The following NTN1 variants were observed in gnomAD, a reference collection of about 807,000 sequenced individuals.
The protein encoded by NTN1 is netrin 1.
A neutral mutation model predicts 54.2 loss-of-function variants in NTN1; 11 were observed. The ratio of observed to expected loss-of-function variants is 0.20; its 90% confidence interval spans 0.13 to 0.34. NTN1 has a LOEUF of 0.34. Among genes scored for constraint, NTN1 ranks in the 10% least tolerant of loss-of-function variants. NTN1 has a pLI of 1.00. For missense variants in NTN1, 740 were observed against 893.1 expected (o/e 0.83, Z 2.18); for synonymous variants, 371 against 382.0 (o/e 0.97, Z 0.33).
chr17:9,132,240 C>T (rs1295993149), intron 2 of NTN1, among the ~76,000 whole-genome samples: 1 of 152,170 alleles, frequency 6.6e-6, no homozygotes, highest in Admixed American at 6.5e-5. Context: ...ATTCTCCTGT[C>T]ACTCTGTCCA....
chr17:9,225,090 G>C (rs374228992), intron 6 of NTN1, among the ~76,000 whole-genome samples: 6 of 151,976 alleles, frequency 3.9e-5, no homozygotes, highest in Non-Finnish European at 8.8e-5. Flanking sequence ...GTGAAACCCC[G>C]TCTCTATTAA....
chr17:9,032,995 C>T (rs1051809535), intron 2 of NTN1, among the ~76,000 whole-genome samples: 3 of 144,208 alleles, frequency 2.1e-5, no homozygotes, highest in Admixed American at 7.2e-5. Context: ...ACTCTGTCAT[C>T]GAGGCTGGAG....
chr17:9,152,007 G>T (rs1010376568), intron 2 of NTN1, among the ~76,000 whole-genome samples: 6 of 152,328 alleles, frequency 3.9e-5, no homozygotes, highest in African/African-American at 1.4e-4. Context: ...TGATAGGACA[G>T]AAATGGAACA....
intron 3 of NTN1, among the ~76,000 whole-genome samples, chr17:9,166,762 G>T (rs2092374574): frequency 6.6e-6 from 1 of 152,134 alleles, no homozygotes; most frequent in African/African-American, 2.4e-5. Flanking sequence ...CAAAGGGCAG[G>T]GGTTCTTGAC....
intron 2 of NTN1, among the ~76,000 whole-genome samples, chr17:9,085,376 A>G (rs1232449612): frequency 1.3e-5 from 2 of 152,246 alleles, no homozygotes; most frequent in African/African-American, 2.4e-5. Flanking sequence ...AATTTCCTTT[A>G]AGGAAGTGAA....
At chr17:9,094,037 C>A (rs1427571478) in intron 2 of NTN1, among the ~76,000 whole-genome samples, 1 of 152,162 alleles carries the variant, frequency 6.6e-6, no homozygotes, top group Non-Finnish European at 1.5e-5. Flanking sequence ...TCCAGAGAAA[C>A]TTCTAGTATA....
intron 2 of NTN1, among the ~76,000 whole-genome samples, chr17:9,120,638 G>T (rs1254257694): frequency 6.6e-6 from 1 of 152,170 alleles, no homozygotes; most frequent in Non-Finnish European, 1.5e-5. Context: ...GTGCTGCTTA[G>T]TATCTGGATT....
intron 2 of NTN1, among the ~76,000 whole-genome samples, chr17:9,054,504 C>T (rs2091971946): frequency 6.6e-6 from 1 of 152,202 alleles, no homozygotes; most frequent in South Asian, 2.1e-4. Context: ...GGATATTCAT[C>T]TTGCCTTGTA....
At chr17:9,190,464 G>A (rs1904422083) in intron 5 of NTN1, among the ~76,000 whole-genome samples, 1 of 152,206 alleles carries the variant, frequency 6.6e-6, no homozygotes, top group African/African-American at 2.4e-5. Context: ...AGGGTGATTT[G>A]CCCTACCAGA....
chr17:9,095,141 G>C (rs910884695), intron 2 of NTN1, among the ~76,000 whole-genome samples: 1 of 152,012 alleles, frequency 6.6e-6, no homozygotes, highest in Admixed American at 6.6e-5. Context: ...TTTCCATTGA[G>C]GGATGAATAT....
In NTN1 at chr17:9,140,463, C is replaced by T. The variant is rs562107408; in HGVS notation, c.1019-22350C>T. On this transcript the variant is annotated intron_variant, in intron 2 of 6. Transcript: ENST00000173229. Reference sequence around the variant, plus strand: ...CTCTGAGCTGGCATTTGTTGAGTTCCCCAGAGTGAAAGCAGTGTTCATGGA... The same window carrying T: ...CTCTGAGCTGGCATTTGTTGAGTTCTCCAGAGTGAAAGCAGTGTTCATGGA... 1.4e-4 allele frequency among the ~76,000 whole-genome samples: 22 copies of T among 152,240 alleles called. No homozygotes were observed. In the South Asian group the frequency reaches 4.6e-3, roughly 32 times the overall value.
chr17:9,021,306 C>G (rs2091846232), upstream of NTN1, among the ~76,000 whole-genome samples: 4 of 152,072 alleles, frequency 2.6e-5, no homozygotes, highest in South Asian at 8.3e-4. Flanking sequence ...CTCGCTTTCT[C>G]TTTGTCTCTG....
chr17:9,180,236 G>A (rs919971152), intron 4 of NTN1, among the ~76,000 whole-genome samples: 2 of 152,188 alleles, frequency 1.3e-5, no homozygotes, highest in Non-Finnish European at 2.9e-5. Context: ...ATGGGATTTC[G>A]CTGTGTTGGC....
chr17:9,050,472 C>G (rs1432186051), intron 2 of NTN1, among the ~76,000 whole-genome samples: 3 of 151,332 alleles, frequency 2.0e-5, no homozygotes, highest in African/African-American at 4.9e-5. Context: ...GAGTTTGAGA[C>G]CAGCCTGGCC....
rs1906140114 is a variant in NTN1, at chr17:9,239,992, C to CGGGCGGGCGCCAGGGCGGGGCCGAGCGA, written c.*26_*53dup. The stretch of plus-strand genomic sequence containing the variant: ...AGCGCCGAGGCAGCGGGCGGGCGGG[C>CGGGCGGGCGCCAGGGCGGGGCCGAGCGA]GGGCGGGCGCCAGGGCGGGGCCGAG... On this transcript the variant is annotated 3_prime_UTR_variant, in exon 7 of 7. Coordinates refer to ENST00000173229, the MANE Select transcript of NTN1 (RefSeq NM_004822.3). This position sits in a 1 kb window ranked among gnomAD's most constrained non-coding sequence, Gnocchi z 5.2. 1 of 11,992 alleles carries CGGGCGGGCGCCAGGGCGGGGCCGAGCGA rather than the reference C, an allele frequency of 8.3e-5. No homozygotes were observed. The highest frequency in any genetic ancestry group is 5.8e-4 in the African/African-American group (1 of 1,710). The allele number at this position is 11,992 out of a possible 1,614,324, so 0.7% of individuals were successfully genotyped here.
intron 2 of NTN1, among the ~76,000 whole-genome samples, chr17:9,115,812 G>A (rs1187854133): frequency 1.3e-5 from 2 of 152,248 alleles, no homozygotes; most frequent in African/African-American, 2.4e-5. Flanking sequence ...TTGGCCGGCC[G>A]TGCGCGGTGG....
At chr17:9,196,851 G>A (rs1904647103) in intron 5 of NTN1, among the ~76,000 whole-genome samples, 1 of 152,144 alleles carries the variant, frequency 6.6e-6, no homozygotes, top group African/African-American at 2.4e-5. Context: ...TGCACAGAGA[G>A]GCATGTGAAA....
intron 2 of NTN1, among the ~76,000 whole-genome samples, chr17:9,060,335 G>T (rs1160384010): frequency 6.6e-6 from 1 of 152,062 alleles, no homozygotes; most frequent in South Asian, 2.1e-4. Context: ...ATGTTTTATT[G>T]TAAGAATACA....
At chr17:9,238,156 G>T (rs1359583607) in intron 6 of NTN1, among the ~76,000 whole-genome samples, 1 of 152,162 alleles carries the variant, frequency 6.6e-6, no homozygotes, top group East Asian at 1.9e-4. Flanking sequence ...ACAGAAGCCA[G>T]CCAGCATAGG....
Sources: allele counts gnomAD v4.1 joint callset (sites outside exome capture counted in the v4.1 genomes callset), GRCh38; gene constraint gnomAD v4.1.1; non-coding constraint Gnocchi (gnomAD v3.1); transcripts MANE v1.5; gene names NCBI Gene and HGNC (gene_info 2026-07-23, HGNC 2026-07-21).